The following NAV3 variants were observed in gnomAD, a reference collection of about 807,000 sequenced individuals.
NAV3 encodes the protein pore membrane and/or filament interacting like protein 1.
In NAV3, 87 loss-of-function variants were observed where a neutral mutation model predicts 244.7. The ratio of observed to expected loss-of-function variants is 0.36; its 90% CI spans 0.30 to 0.42. NAV3 has a LOEUF of 0.42. Ranked by LOEUF, NAV3 falls within the 20% of genes least tolerant of loss-of-function variation. The probability of loss-of-function intolerance (pLI) is 1.00; values close to 1 mark genes in which losing one functional copy is unlikely to be tolerated. For synonymous variants in NAV3, 1,126 were observed against 1,042.2 expected (o/e 1.08, Z -1.55); for missense variants, 2,663 against 2,893.3 (o/e 0.92, Z 1.83).
intron 12 of NAV3, among the ~76,000 whole-genome samples, chr12:78,099,913 C>A (rs187554661): frequency 6.6e-6 from 1 of 152,022 alleles, no homozygotes; most frequent in Admixed American, 6.5e-5. Context: ...ACTAAGTCTA[C>A]CTAGGGCTTC....
intron 2 of NAV3, among the ~76,000 whole-genome samples, chr12:77,724,813 G>C (rs190808642): frequency 6.6e-6 from 1 of 151,878 alleles, no homozygotes; most frequent in Non-Finnish European, 1.5e-5. Flanking sequence ...TGAAGATACT[G>C]TATAAATTAA....
At chr12:77,963,829 CCCCT>C (rs1179643226) in intron 3 of NAV3, among the ~76,000 whole-genome samples, 2 of 150,774 alleles carry the variant, frequency 1.3e-5, no homozygotes, top group Non-Finnish European at 3.0e-5. Context: ...TGTTCTCCTT[CCCCT>C]TCCTTCCTTC....
intron 2 of NAV3, among the ~76,000 whole-genome samples, chr12:77,786,869 G>A (rs1029087178): frequency 4.6e-5 from 7 of 152,002 alleles, no homozygotes; most frequent in Non-Finnish European, 7.4e-5. Flanking sequence ...CTTTAGTCTC[G>A]ATGTACCTCA....
intron 3 of NAV3, among the ~76,000 whole-genome samples, chr12:77,958,542 G>A (rs1485595939): frequency 6.6e-6 from 1 of 152,024 alleles, no homozygotes. Context: ...TCCATTTGAA[G>A]AATTACTCTA....
At chr12:77,895,861 G>A (rs1884550682) in intron 1 of NAV3, among the ~76,000 whole-genome samples, 1 of 132,558 alleles carries the variant, frequency 7.5e-6, no homozygotes, top group Non-Finnish European at 1.5e-5. Context: ...TCATATAAAA[G>A]TATAAATTAT....
intron 2 of NAV3, among the ~76,000 whole-genome samples, chr12:77,720,316 G>C (rs1255350997): frequency 6.6e-6 from 1 of 152,152 alleles, no homozygotes; most frequent in African/African-American, 2.4e-5. Context: ...TGTTCACAGA[G>C]GAAGGCCTTT....
chr12:77,891,749 G>A (rs915245517), intron 1 of NAV3, among the ~76,000 whole-genome samples: 3 of 152,150 alleles, frequency 2.0e-5, no homozygotes, highest in African/African-American at 4.8e-5. Context: ...CTGCAGAGAC[G>A]GCTTTAAAGT....
chr12:77,852,030 A>G (rs929599577), intron 1 of NAV3, among the ~76,000 whole-genome samples: 3 of 152,220 alleles, frequency 2.0e-5, no homozygotes. Flanking sequence ...CCCATGGACT[A>G]AGCTTGGAGA....
chr12:78,180,263 G>A (rs1958443479), intron 29 of NAV3, among the ~76,000 whole-genome samples: 1 of 151,990 alleles, frequency 6.6e-6, no homozygotes, highest in African/African-American at 2.4e-5. Flanking sequence ...GTAATCACTT[G>A]GTACCACAGA....
At chr12:77,770,775 A>G (rs1249817712) in intron 2 of NAV3, among the ~76,000 whole-genome samples, 1 of 152,244 alleles carries the variant, frequency 6.6e-6, no homozygotes, top group Non-Finnish European at 1.5e-5. Flanking sequence ...AGATGGATTA[A>G]AGACTTAAAC....
At chr12:77,797,527 T>G (rs999898527) in intron 2 of NAV3, among the ~76,000 whole-genome samples, 2 of 58,302 alleles carry the variant, frequency 3.4e-5, no homozygotes, top group East Asian at 1.5e-3. Flanking sequence ...TTAAAAAGTT[T>G]TTTTTTTTTT....
chr12:77,623,622 T>C (rs1338015959), intron 2 of NAV3, among the ~76,000 whole-genome samples: 1 of 152,232 alleles, frequency 6.6e-6, no homozygotes, highest in Non-Finnish European at 1.5e-5. Context: ...CTCAGCATTA[T>C]TTGGGTCTAG....
intron 1 of NAV3, among the ~76,000 whole-genome samples, chr12:77,843,138 G>A (rs1001087504): frequency 1.3e-5 from 2 of 151,890 alleles, no homozygotes. Context: ...TCTCCTCAAA[G>A]CACCTGCTTT....
intron 2 of NAV3, among the ~76,000 whole-genome samples, chr12:77,683,329 A>G (rs1279631049): frequency 6.6e-6 from 1 of 151,920 alleles, no homozygotes; most frequent in Non-Finnish European, 1.5e-5. Flanking sequence ...ATAAATGTAT[A>G]GTTTTATCTC....
intron 2 of NAV3, among the ~76,000 whole-genome samples, chr12:77,822,767 A>G: frequency 6.6e-6 from 1 of 152,226 alleles, no homozygotes; most frequent in African/African-American, 2.4e-5. Context: ...GCAACTTGTT[A>G]GTACGAGTCA....
At chr12:78,046,238 G>T (rs542400561) in intron 9 of NAV3, among the ~76,000 whole-genome samples, 33 of 152,166 alleles carry the variant, frequency 2.2e-4, no homozygotes, top group African/African-American at 7.5e-4. Flanking sequence ...CTTCAGTTCT[G>T]CTCTGATCTT....
chr12:78,126,322 T>C lies in NAV3; in HGVS notation c.4239-845T>C, dbSNP rs535527205. On this transcript the variant is annotated intron_variant, in intron 16 of 39. Coordinates refer to ENST00000397909, the MANE Select transcript of NAV3 (RefSeq NM_001024383.2). ...ATCCTGTGTATTTAATTTTGATCAT[T>C]TGATGTCCTAAAGGAAGAAAGCTAT... Among the ~76,000 whole-genome samples, 4 of 152,296 alleles carry C rather than the reference T, an allele frequency of 2.6e-5. No homozygotes were observed. In the East Asian group the frequency reaches 5.8e-4, roughly 22 times the overall value.
chr12:78,085,380 T>G lies in NAV3; in HGVS notation c.2636+26265T>G, dbSNP rs552075423. On this transcript the variant is annotated intron_variant, in intron 12 of 39. Transcript: ENST00000397909. ...AGGCAGCAGAAACTTACACAGACCCTTAAAGGTTCTGGCATATTCCATGTA... is the reference window on the plus strand; with the variant it reads ...AGGCAGCAGAAACTTACACAGACCCGTAAAGGTTCTGGCATATTCCATGTA... Among the ~76,000 whole-genome samples, 12 of 152,218 alleles carry G rather than the reference T, an allele frequency of 7.9e-5. 1 individual carries two copies. In the South Asian group the frequency reaches 2.5e-3, roughly 32 times the overall value.
chr12:77,829,527 C>T (rs1873374388), upstream of NAV3, among the ~76,000 whole-genome samples: 1 of 152,136 alleles, frequency 6.6e-6, no homozygotes, highest in Non-Finnish European at 1.5e-5. Context: ...CGAACATGAA[C>T]CTCTCCAACT....
Sources: allele counts gnomAD v4.1 joint callset (sites outside exome capture counted in the v4.1 genomes callset), GRCh38; gene constraint gnomAD v4.1.1; transcripts MANE v1.5; gene names NCBI Gene and HGNC (gene_info 2026-07-23, HGNC 2026-07-21).